Variants in FDFT1 observed in about 807,000 individuals in gnomAD.
FDFT1 encodes the protein squalene synthase.
FDFT1 carries 68 observed loss-of-function variants against 46.8 expected under a neutral mutation model. The ratio of observed to expected loss-of-function variants is 1.45; its 90% confidence interval spans 1.19 to 1.78. The LOEUF (loss-of-function observed/expected upper bound fraction) is 1.78. Among genes scored for constraint, FDFT1 ranks in the 40% most tolerant of loss-of-function variants. The probability of loss-of-function intolerance (pLI) is 0.00; values close to 1 mark genes in which losing one functional copy is unlikely to be tolerated. For synonymous variants in FDFT1, 351 were observed against 185.1 expected, an observed-to-expected ratio of 1.90 and a Z score of -7.28; for missense variants, 928 against 524.4, an observed-to-expected ratio of 1.77 and a Z score of -7.52.
intron 3 of FDFT1, among the ~76,000 whole-genome samples, chr8:11,812,282 A>G (rs577231333): frequency 6.6e-6 from 1 of 152,262 alleles, no homozygotes; most frequent in Admixed American, 6.5e-5. Flanking sequence ...CGCACAGTCT[A>G]TTTCCTAAGG....
intron 7 of FDFT1, among the ~76,000 whole-genome samples, chr8:11,837,807 C>A (rs987821384): frequency 2.0e-5 from 3 of 152,092 alleles, no homozygotes; most frequent in African/African-American, 7.2e-5. Flanking sequence ...AGGGCCTAAT[C>A]TCAGGCAGTA....
chr8:11,838,258 T>A, intron 7 of FDFT1, 130 bp from the exon 8 acceptor site: 1 of 718,870 alleles, frequency 1.4e-6, no homozygotes, highest in Non-Finnish European at 2.4e-6. Flanking sequence ...GTTATGTTCA[T>A]GTTCTCTGAG....
chr8:11,836,171 A>G (rs547034372), intron 7 of FDFT1, among the ~76,000 whole-genome samples: 59 of 146,834 alleles, frequency 4.0e-4, no homozygotes, highest in African/African-American at 1.4e-3. Context: ...AAAAAAATCT[A>G]CAATATACCA....
upstream of FDFT1, chr8:11,802,462 G>T (rs1010816765): frequency 2.1e-6 from 1 of 467,844 alleles, no homozygotes; most frequent in African/African-American, 2.0e-5. Flanking sequence ...CGGGGTAAGC[G>T]GAAGAAAACA....
At chr8:11,833,078 C>T (rs1159537067) in intron 7 of FDFT1, among the ~76,000 whole-genome samples, 1 of 152,196 alleles carries the variant, frequency 6.6e-6, no homozygotes. Context: ...CTATCAGAGG[C>T]ACCTATGGAA....
intron 3 of FDFT1, among the ~76,000 whole-genome samples, chr8:11,821,420 A>G (rs7015907): frequency 2.6e-5 from 4 of 152,150 alleles, no homozygotes; most frequent in African/African-American, 9.7e-5. Context: ...GTGAAACCCC[A>G]CTTCTACTAA....
intron 4 of FDFT1, among the ~76,000 whole-genome samples, chr8:11,824,191 G>C (rs1195896187): frequency 6.6e-6 from 1 of 152,088 alleles, no homozygotes; most frequent in Non-Finnish European, 1.5e-5. Flanking sequence ...TGACACTCCA[G>C]AGCTTACCTT....
At chr8:11,816,879 TCC>T (rs556217534) in intron 3 of FDFT1, among the ~76,000 whole-genome samples, 83 of 152,296 alleles carry the variant, frequency 5.4e-4, no homozygotes, top group Middle Eastern at 3.4e-3. Context: ...TGCCTGATTA[TCC>T]TGGCCAGAAC....
At chr8:11,805,408 G>C (rs554231906) in intron 1 of FDFT1, among the ~76,000 whole-genome samples, 1 of 152,316 alleles carries the variant, frequency 6.6e-6, no homozygotes, top group South Asian at 2.1e-4. Flanking sequence ...CCCAAAAGCC[G>C]AGAGTAATGG....
chr8:11,831,538 G>A lies in FDFT1; in HGVS notation c.900G>A (p.Leu300=). 3.1e-6 allele frequency: 5 copies of A among 1,613,948 alleles called. No homozygotes were observed. The highest frequency in any genetic ancestry group is 4.2e-6 in the Non-Finnish European group (5 of 1,179,912). Residue 300 remains leucine (L), a synonymous_variant, in exon 7 of 8, where the codon TTG becomes TTA. Coordinates refer to ENST00000220584, the MANE Select transcript of FDFT1 (RefSeq NM_004462.5). ...AIPQVMAIAT[L]AACYNNQQVF... ...TCTAGGTGATGGCCATTGCCACTTT[G>A]GCTGCCTGTTATAATAACCAGCAGG...
chr8:11,830,130 G>A lies in FDFT1; in HGVS notation c.703-114G>A, dbSNP rs1024376845. 6.2e-5 allele frequency: 55 copies of A among 883,776 alleles called. 1 individual carries two copies. The highest frequency in any genetic ancestry group is 3.3e-4 in the Middle Eastern group (1 of 2,986). The allele number at this position is 883,776 out of a possible 1,614,324, so 54.7% of individuals were successfully genotyped here. A position where few individuals can be genotyped will look rare whatever the true frequency, so the allele number is the denominator to read the frequency against. On this transcript the variant is annotated intron_variant, in intron 5 of 7. Coordinates refer to ENST00000220584, the MANE Select transcript of FDFT1 (RefSeq NM_004462.5). ...CAAAGTGCTGGGATTACAGGCGTGA[G>A]CCACGGCGCCCAGCCTGTATCATAG...
At chr8:11,799,034 A>G (rs965560533), upstream of FDFT1, among the ~76,000 whole-genome samples, 1 of 152,202 alleles carries the variant, frequency 6.6e-6, no homozygotes, top group African/African-American at 2.4e-5. Context: ...TTACAAGAGG[A>G]GCTACGAATA....
At chr8:11,812,499 G>A (rs1029824832) in intron 3 of FDFT1, among the ~76,000 whole-genome samples, 13 of 152,164 alleles carry the variant, frequency 8.5e-5, no homozygotes, top group Non-Finnish European at 1.6e-4. Context: ...GGGATATGGG[G>A]ATCAGCTGTC....
chr8:11,801,908 C>T (rs1404510462), upstream of FDFT1: 5 of 452,024 alleles, frequency 1.1e-5, no homozygotes, highest in African/African-American at 2.0e-5. Context: ...CCAGGATGGT[C>T]TCGATCTCTT....
chr8:11,812,457 G>A (rs536246280), intron 3 of FDFT1, among the ~76,000 whole-genome samples: 1 of 152,136 alleles, frequency 6.6e-6, no homozygotes, highest in African/African-American at 2.4e-5. Context: ...TGGAGAGAGC[G>A]GGATTCAGGA....
intron 3 of FDFT1, chr8:11,810,070 C>T (rs781650478): frequency 4.0e-6 from 2 of 504,378 alleles, no homozygotes; most frequent in South Asian, 3.1e-5. Flanking sequence ...CTTACAAAGA[C>T]TCTCTGTGCC....
At chr8:11,808,943 T>G (rs772211189) in intron 2 of FDFT1, 52 bp downstream of exon 2, 6 of 1,581,320 alleles carry the variant, frequency 3.8e-6, no homozygotes, top group African/African-American at 2.7e-5. Flanking sequence ...GTCCGGGACC[T>G]TTGAGTGTGT....
chr8:11,802,312 G>A (rs1806206130), upstream of FDFT1: 3 of 398,848 alleles, frequency 7.5e-6, no homozygotes, highest in South Asian at 1.8e-5. Flanking sequence ...CACCGAGGCC[G>A]GACACGTGGG....
intron 3 of FDFT1, among the ~76,000 whole-genome samples, chr8:11,818,929 T>C (rs920251218): frequency 6.6e-6 from 1 of 152,254 alleles, no homozygotes; most frequent in Non-Finnish European, 1.5e-5. Flanking sequence ...CATTAATTGA[T>C]GCAGTTTCTT....
Sources: gnomAD v4.1 joint callset for allele counts (sites outside exome capture counted in the v4.1 genomes callset) on GRCh38, gnomAD v4.1.1 for gene constraint, MANE v1.5 for transcripts, NCBI Gene and HGNC (gene_info 2026-07-23, HGNC 2026-07-21) for gene names.